ADGRA2: variants seen among roughly 807,000 people sequenced by gnomAD.
ADGRA2 encodes adhesion G protein-coupled receptor A2.
A neutral mutation model predicts 98.7 loss-of-function variants in ADGRA2; 61 were observed. That is an observed-to-expected ratio of 0.62 (90% CI 0.50 to 0.76). The LOEUF is 0.76. Ranked by LOEUF, ADGRA2 falls within the 30% of genes least tolerant of loss-of-function variation. ADGRA2 has a pLI of 0.00. For synonymous variants in ADGRA2, 858 were observed against 831.5 expected, an observed-to-expected ratio of 1.03 and a Z score of -0.55; for missense variants, 1,712 against 1,860.0, an observed-to-expected ratio of 0.92 and a Z score of 1.46.
At position 37,797,652 on chromosome 8, in the gene ADGRA2, C is replaced by A; in HGVS notation, c.266+118C>A. The stretch of plus-strand genomic sequence containing the variant: ...TCCCCCCACTTCAGAGATTTCTGGA[C>A]AGGCCTGGGTTCAGGCCCCCAGAGG... On this transcript the variant is annotated intron_variant, in intron 1 of 18. Transcript: ENST00000412232. The surrounding 1 kb of genome is among the most constrained non-coding windows in gnomAD (Gnocchi z 5.3). 1 of 1,046,774 alleles carries A rather than the reference C, an allele frequency of 9.6e-7. No homozygotes were observed. Among genetic ancestry groups the A allele is most frequent in the Non-Finnish European group, 1.2e-6 (1 of 800,990 alleles). The allele number at this position is 1,046,774 out of a possible 1,614,324, so 64.8% of individuals were successfully genotyped here. A position where few individuals can be genotyped will look rare whatever the true frequency, so the allele number is the denominator to read the frequency against.
intron 1 of ADGRA2, among the ~76,000 whole-genome samples, chr8:37,803,802 T>C (rs1804574606): frequency 6.6e-6 from 1 of 151,894 alleles, no homozygotes; most frequent in East Asian, 1.9e-4. Context: ...GAGCAGGCAA[T>C]GGACAGGGTG....
Position 37,834,705 on chromosome 8 carries a change from G to A in ADGRA2, c.1609-469G>A, listed in dbSNP as rs1317554855. On this transcript the variant is annotated intron_variant, in intron 11 of 18. Transcript: ENST00000412232. The surrounding 1 kb of genome is among the most constrained non-coding windows in gnomAD (Gnocchi z 4.2). ...GGCCAGGAGTTGGAGACCAGCCTGGGCAACAGAGAGACCTGGTCTCCACAA... is the reference window on the plus strand; with the variant it reads ...GGCCAGGAGTTGGAGACCAGCCTGGACAACAGAGAGACCTGGTCTCCACAA... Among the ~76,000 whole-genome samples, 1 of 152,058 alleles carries A rather than the reference G, an allele frequency of 6.6e-6. No individual in the cohort carries two copies. Among genetic ancestry groups the A allele is most frequent in the Non-Finnish European group, 1.5e-5 (1 of 68,006 alleles).
At chr8:37,807,040 TG>T (rs1804691153) in intron 1 of ADGRA2, among the ~76,000 whole-genome samples, 1 of 152,220 alleles carries the variant, frequency 6.6e-6, no homozygotes, top group Admixed American at 6.5e-5. Context: ...TCTCATGGCC[TG>T]GGCCTCCAGC....
Position 37,841,595 on chromosome 8 carries a change from C to G in ADGRA2, c.3257C>G (p.Pro1086Arg), listed in dbSNP as rs747933682. The change falls in exon 19 of 19, where the codon CCT becomes CGT. Residue 1086 changes from proline to arginine, a missense_variant. Pro to Arg is a moderately radical substitution (Grantham distance 103). Transcript: ENST00000412232. This position sits in a 1 kb window ranked among gnomAD's most constrained non-coding sequence, Gnocchi z 5.0. ...GCCTCGTGGCGCGCCTGCTGCCCCC[C>G]TGCCTCTCCCGCGGCCCCCCATGCC... The part of the protein sequence containing the change: ...VRASWRACCP[P>R]ASPAAPHAPP... 41 of 1,578,960 alleles carry G rather than the reference C, an allele frequency of 2.6e-5. No individual in the cohort carries two copies. The highest frequency in any genetic ancestry group is 3.4e-5 in the Non-Finnish European group (40 of 1,163,582).
At chr8:37,805,756 C>T (rs1469870612) in intron 1 of ADGRA2, among the ~76,000 whole-genome samples, 1 of 152,026 alleles carries the variant, frequency 6.6e-6, no homozygotes, top group African/African-American at 2.4e-5. Flanking sequence ...GTAATCCCAG[C>T]TACTCATGAG....
intron 14 of ADGRA2, 34 bp downstream of exon 14, chr8:37,837,973 C>T (rs1006353537): frequency 3.5e-6 from 5 of 1,415,344 alleles, no homozygotes; most frequent in Non-Finnish European, 4.7e-6. Flanking sequence ...GTCGGGGGGG[C>T]AGGGACACGG....
In ADGRA2 at chr8:37,840,278, C is replaced by T; in HGVS notation, c.2657+12C>T. On this transcript the variant is annotated intron_variant, in intron 17 of 18. Transcript: ENST00000412232. ...AGTCCTATGCTCCGGTACATACTTT[C>T]AATTCCAGCTTTGCAATTGGGGAGG... The T allele has an allele frequency of 6.2e-7, 1 of 1,610,730 alleles. No homozygotes were observed. Among genetic ancestry groups the T allele is most frequent in the East Asian group, 2.2e-5 (1 of 44,882 alleles).
At chr8:37,823,320 C>T (rs1000124614) in intron 2 of ADGRA2, among the ~76,000 whole-genome samples, 2 of 151,724 alleles carry the variant, frequency 1.3e-5, no homozygotes, top group East Asian at 1.9e-4. Flanking sequence ...CCTGTCTCAG[C>T]CTCCTGAATA....
chr8:37,843,563 A>G lies in ADGRA2; in HGVS notation c.*1208A>G, dbSNP rs1475116181. On this transcript the variant is annotated 3_prime_UTR_variant, in exon 19 of 19. Transcript: ENST00000412232. ...ACAGGACCAAATGGAAACCGAGGGA[A>G]CCCTGGGTCTTGGGAAGAACAACAG... 2.6e-5 allele frequency: 4 copies of G among 152,058 alleles called. No homozygotes were observed. Among genetic ancestry groups the G allele is most frequent in the Non-Finnish European group, 5.9e-5 (4 of 68,032 alleles). 9.4% of individuals were successfully genotyped at this position (152,058 alleles called of 1,614,324 possible). A position where few individuals can be genotyped will look rare whatever the true frequency, so the allele number is the denominator to read the frequency against.
At chr8:37,808,928 GA>G (rs1804750476) in intron 1 of ADGRA2, among the ~76,000 whole-genome samples, 1 of 151,978 alleles carries the variant, frequency 6.6e-6, no homozygotes, top group African/African-American at 2.4e-5. Flanking sequence ...AGGTTCAAGC[GA>G]TTCTCCTGCC....
At chr8:37,838,656 C>T (rs550739046) in intron 14 of ADGRA2, among the ~76,000 whole-genome samples, 53 of 150,836 alleles carry the variant, frequency 3.5e-4, no homozygotes, top group African/African-American at 1.1e-3. Flanking sequence ...TCCAGTCCTG[C>T]AGGCCTGCTG....
intron 2 of ADGRA2, among the ~76,000 whole-genome samples, chr8:37,828,171 C>G (rs544680926): frequency 6.6e-6 from 1 of 152,188 alleles, no homozygotes; most frequent in African/African-American, 2.4e-5. Context: ...AACTACCCCT[C>G]CCATGCGTCC....
chr8:37,840,085 C>T (rs751985220), intron 16 of ADGRA2, 36 bp from the exon 17 acceptor site: 1 of 1,539,878 alleles, frequency 6.5e-7, no homozygotes, highest in Non-Finnish European at 8.7e-7. Flanking sequence ...CAGTCGTAGT[C>T]CCCAGGTCCC....
At chr8:37,829,642 A>T (rs903236310) in intron 5 of ADGRA2, 83 bp downstream of exon 5, 18 of 1,101,974 alleles carry the variant, frequency 1.6e-5, no homozygotes, top group Non-Finnish European at 2.4e-5. Flanking sequence ...CATGACCACC[A>T]GGACTGGTCT....
intron 2 of ADGRA2, among the ~76,000 whole-genome samples, chr8:37,825,603 G>A (rs1206807402): frequency 6.6e-6 from 1 of 151,996 alleles, no homozygotes; most frequent in Non-Finnish European, 1.5e-5. Context: ...CATAGTGATG[G>A]GTGTAGTGAG....
At chr8:37,821,677 AC>A (rs1230320233) in intron 2 of ADGRA2, among the ~76,000 whole-genome samples, 1 of 152,204 alleles carries the variant, frequency 6.6e-6, no homozygotes. Context: ...GTCTGTGTGG[AC>A]ACTGGCCCCC....
In ADGRA2 at chr8:37,844,267, T is replaced by C; in HGVS notation, c.*1912T>C. 1.7e-6 allele frequency: 1 copy of C among 573,280 alleles called. No homozygotes were observed. The highest frequency in any genetic ancestry group is 3.1e-6 in the Non-Finnish European group (1 of 320,268). 35.5% of individuals were successfully genotyped at this position (573,280 alleles called of 1,614,324 possible). On this transcript the variant is annotated 3_prime_UTR_variant, in exon 19 of 19. Coordinates refer to ENST00000412232, the MANE Select transcript of ADGRA2 (RefSeq NM_032777.10). The stretch of plus-strand genomic sequence containing the variant: ...CTCACAGAACATGGACATAGGCAAC[T>C]TGCTCTCCCACACCAAGGGATGGGA...
intron 2 of ADGRA2, among the ~76,000 whole-genome samples, chr8:37,816,320 C>A (rs549261938): frequency 1.3e-5 from 2 of 151,136 alleles, no homozygotes; most frequent in African/African-American, 4.9e-5. Flanking sequence ...AGGCCGGGCG[C>A]GGTGGCTCAC....
chr8:37,840,798 G>A lies in ADGRA2; in HGVS notation c.2696G>A (p.Cys899Tyr). ...LIAGGIPLII[C>Y]GITAAVNIHN... ...GCTGGAGGGATTCCACTCATTATCT[G>A]TGGCATCACAGCTGCAGTCAACATC... Residue 899 changes from cysteine to tyrosine, a missense_variant, in exon 18 of 19, where the codon TGT becomes TAT. Transcript: ENST00000412232. The A allele has an allele frequency of 6.2e-7, 1 of 1,610,232 alleles. No homozygotes were observed. Among genetic ancestry groups the A allele is most frequent in the Non-Finnish European group, 8.5e-7 (1 of 1,177,024 alleles).
Sources: allele counts gnomAD v4.1 joint callset (sites outside exome capture counted in the v4.1 genomes callset), GRCh38; gene constraint gnomAD v4.1.1; non-coding constraint Gnocchi (gnomAD v3.1); transcripts MANE v1.5; gene names NCBI Gene and HGNC (gene_info 2026-07-23, HGNC 2026-07-21).